Variants in LAMC1 observed in about 807,000 individuals in gnomAD.
The protein encoded by LAMC1 is laminin subunit gamma-1.
LAMC1 carries 38 observed loss-of-function variants against 173.6 expected under a neutral mutation model. The observed-to-expected ratio is 0.22, with a 90% CI of 0.17 to 0.29. The LOEUF (loss-of-function observed/expected upper bound fraction) is 0.29, where lower values mean the gene tolerates loss of function less well. LAMC1 is among the 10% of genes least tolerant of loss of function. The pLI, the probability that LAMC1 is intolerant of heterozygous loss-of-function variation, is 1.00. For missense variants in LAMC1, 1,824 were observed against 2,051.8 expected (o/e 0.89, Z 2.14); for synonymous variants, 746 against 749.1 (o/e 1.00, Z 0.07).
chr1:183,110,517 G>A lies in LAMC1; in HGVS notation c.884G>A (p.Cys295Tyr). 1 of 1,613,622 alleles carries A rather than the reference G, an allele frequency of 6.2e-7. No individual in the cohort carries two copies. Among genetic ancestry groups the A allele is most frequent in the Admixed American group, 1.7e-5 (1 of 59,990 alleles). ...AAATGTAATGGACACGCAAGCGAGTGTATGAAGAACGAATTTGATAAGCTG... is the reference window on the plus strand; with the variant it reads ...AAATGTAATGGACACGCAAGCGAGTATATGAAGAACGAATTTGATAAGCTG... Reference protein sequence around the residue: ...RCKCNGHASECMKNEFDKLVC... With the variant: ...RCKCNGHASEYMKNEFDKLVC... The change falls in exon 4 of 28, where the codon TGT (cysteine) becomes TAT (tyrosine). Residue 295 changes from cysteine to tyrosine, a missense_variant. Transcript: ENST00000258341.
intron 1 of LAMC1, among the ~76,000 whole-genome samples, chr1:183,052,156 C>T (rs944805563): frequency 6.6e-6 from 1 of 152,092 alleles, no homozygotes; most frequent in Non-Finnish European, 1.5e-5. Context: ...TTCTGCTTCC[C>T]CTGTTTTGTT....
At chr1:183,065,173 G>T (rs911040421) in intron 1 of LAMC1, among the ~76,000 whole-genome samples, 3 of 152,106 alleles carry the variant, frequency 2.0e-5, no homozygotes, top group African/African-American at 7.2e-5. Context: ...ATAGGAAAAG[G>T]TACGGTAAAA....
chr1:183,033,908 A>C (rs977832237), intron 1 of LAMC1, among the ~76,000 whole-genome samples: 10 of 152,092 alleles, frequency 6.6e-5, no homozygotes, highest in African/African-American at 1.9e-4. Context: ...CATGTTGGCC[A>C]GGCTGGTCTC....
chr1:183,091,449 G>GA (rs1280039641), intron 1 of LAMC1, among the ~76,000 whole-genome samples: 1 of 151,968 alleles, frequency 6.6e-6, no homozygotes, highest in Admixed American at 6.6e-5. Context: ...CTCTGTCTTG[G>GA]ATTCTAAGCT....
Position 183,134,871 on chromosome 1 carries a change from C to A in LAMC1, c.3999+62C>A, listed in dbSNP as rs564888737. The A allele has an allele frequency of 8.7e-5, 102 of 1,168,130 alleles. 1 individual carries two copies. The South Asian group carries it at 1.7e-3, about 20-fold the overall frequency. 72.4% of individuals were successfully genotyped at this position (1,168,130 alleles called of 1,614,324 possible). A position where few individuals can be genotyped will look rare whatever the true frequency, so the allele number is the denominator to read the frequency against. ...CAACATTTGAACAGTCCAAATGGGT[C>A]TGTGATGATGCCGTACTTTCAGAGA... On this transcript the variant is annotated intron_variant, in intron 23 of 27. Transcript: ENST00000258341.
At chr1:183,134,556 T>A in intron 22 of LAMC1, 104 bp from the exon 23 acceptor site, 1 of 912,072 alleles carries the variant, frequency 1.1e-6, no homozygotes, top group Non-Finnish European at 1.7e-6. Flanking sequence ...GCAGTTCTTT[T>A]AAAAATATCA....
At chr1:183,140,334 A>G in intron 26 of LAMC1, 70 bp from the exon 27 acceptor site, 2 of 797,726 alleles carry the variant, frequency 2.5e-6, no homozygotes, top group Non-Finnish European at 3.7e-6. Context: ...TTGTTGGGTC[A>G]TTGGGAAAAA....
At chr1:183,080,309 T>G (rs1335744696) in intron 1 of LAMC1, among the ~76,000 whole-genome samples, 1 of 152,224 alleles carries the variant, frequency 6.6e-6, no homozygotes, top group Non-Finnish European at 1.5e-5. Context: ...GCTGTTTAAG[T>G]TATCACAGTT....
At chr1:183,093,840 C>T (rs1366519079) in intron 1 of LAMC1, among the ~76,000 whole-genome samples, 1 of 152,148 alleles carries the variant, frequency 6.6e-6, no homozygotes, top group Non-Finnish European at 1.5e-5. Flanking sequence ...TTGTTCCACC[C>T]TCAAAATATG....
Position 183,121,885 on chromosome 1 carries a change from A to G in LAMC1, c.2153A>G (p.Tyr718Cys), listed in dbSNP as rs1217597871. The G allele has an allele frequency of 1.9e-6, 3 of 1,614,224 alleles. No individual in the cohort carries two copies. The highest frequency in any genetic ancestry group is 2.2e-5 in the South Asian group (2 of 91,080). Residue 718 changes from tyrosine to cysteine, a missense_variant, in exon 12 of 28, where the codon TAC (tyrosine) becomes TGC (cysteine). Coordinates refer to ENST00000258341, the MANE Select transcript of LAMC1 (RefSeq NM_002293.4). ...AGAGAAACTCCTAATCTTGGACCAT[A>G]CAGTCCATGTGTGCTTTGCGCCTGC... ...YRRETPNLGP[Y>C]SPCVLCACNG...
intron 1 of LAMC1, among the ~76,000 whole-genome samples, chr1:183,042,437 G>GGGTCTAGC (rs1326804344): frequency 2.0e-5 from 3 of 152,182 alleles, no homozygotes; most frequent in African/African-American, 4.8e-5. Context: ...CTGGAAAATG[G>GGGTCTAGC]GGTCTAGCTG....
chr1:183,071,935 A>C (rs1243699573), intron 1 of LAMC1, among the ~76,000 whole-genome samples: 1 of 152,240 alleles, frequency 6.6e-6, no homozygotes, highest in African/African-American at 2.4e-5. Flanking sequence ...TTCTGAAACA[A>C]TGATTCTGTA....
chr1:183,030,497 C>T (rs910832423), intron 1 of LAMC1, among the ~76,000 whole-genome samples: 10 of 152,166 alleles, frequency 6.6e-5, no homozygotes, highest in African/African-American at 2.4e-4. Flanking sequence ...GAACATTGAA[C>T]ATTAACTTAA....
chr1:183,118,716 C>T (rs922490921), intron 11 of LAMC1, among the ~76,000 whole-genome samples: 1 of 146,712 alleles, frequency 6.8e-6, no homozygotes, highest in Non-Finnish European at 1.5e-5. Context: ...GAATGAGAAT[C>T]TGTCTCAGAA....
chr1:183,059,489 C>T (rs1272137167), intron 1 of LAMC1, among the ~76,000 whole-genome samples: 1 of 152,148 alleles, frequency 6.6e-6, no homozygotes, highest in Non-Finnish European at 1.5e-5. Context: ...CCATTCTACT[C>T]CAGTATGGGC....
intron 1 of LAMC1, among the ~76,000 whole-genome samples, chr1:183,099,615 G>T (rs1655783028): frequency 1.3e-5 from 2 of 151,928 alleles, no homozygotes; most frequent in Non-Finnish European, 2.9e-5. Flanking sequence ...CCCCCTCATA[G>T]CCTCCTCTGT....
intron 1 of LAMC1, among the ~76,000 whole-genome samples, chr1:183,059,111 A>G (rs1654677665): frequency 6.6e-6 from 1 of 152,208 alleles, no homozygotes; most frequent in Non-Finnish European, 1.5e-5. Context: ...TCTTAGACTC[A>G]TCTGGTAGTG....
chr1:183,080,642 T>C (rs1356295251), intron 1 of LAMC1, among the ~76,000 whole-genome samples: 4 of 152,090 alleles, frequency 2.6e-5, no homozygotes, highest in African/African-American at 4.8e-5. Flanking sequence ...GTTTTGTTTC[T>C]TCCTGTTTTT....
intron 14 of LAMC1, 33 bp downstream of exon 14, chr1:183,124,909 T>C (rs1485912438): frequency 3.5e-5 from 57 of 1,606,968 alleles, no homozygotes; most frequent in Non-Finnish European, 4.3e-5. Context: ...CTGTCACAGC[T>C]AAATGCCCCT....
Sources: allele counts gnomAD v4.1 joint callset (sites outside exome capture counted in the v4.1 genomes callset), GRCh38; gene constraint gnomAD v4.1.1; transcripts MANE v1.5; gene names NCBI Gene and HGNC (gene_info 2026-07-23, HGNC 2026-07-21).